The following DENND4A variants were observed in gnomAD, a reference collection of about 807,000 sequenced individuals.
The protein encoded by DENND4A is C-myc promoter-binding protein.
DENND4A carries 70 observed loss-of-function variants against 199.3 expected under a neutral mutation model. The ratio of observed to expected loss-of-function variants is 0.35; its 90% CI spans 0.29 to 0.43. DENND4A has a LOEUF of 0.43. Ranked by LOEUF, DENND4A falls within the 20% of genes least tolerant of loss-of-function variation. The pLI, the probability that DENND4A is intolerant of heterozygous loss-of-function variation, is 1.00. For missense variants in DENND4A, 1,723 were observed against 2,255.8 expected, an observed-to-expected ratio of 0.76 and a Z score of 4.78; for synonymous variants, 686 against 766.9, an observed-to-expected ratio of 0.89 and a Z score of 1.74.
intron 1 of DENND4A, among the ~76,000 whole-genome samples, chr15:65,776,901 C>T (rs927046271): frequency 3.3e-5 from 5 of 152,150 alleles, no homozygotes; most frequent in Non-Finnish European, 7.3e-5. Context: ...GGGCTGGGCA[C>T]GGTGGCCTGT....
At chr15:65,748,935 A>T (rs143632372) in intron 4 of DENND4A, among the ~76,000 whole-genome samples, 2 of 151,456 alleles carry the variant, frequency 1.3e-5, no homozygotes, top group Non-Finnish European at 2.9e-5. Flanking sequence ...CGAGGCTACA[A>T]TGAGCCATGA....
chr15:65,751,334 C>T (rs923159387), intron 4 of DENND4A, among the ~76,000 whole-genome samples: 1 of 152,146 alleles, frequency 6.6e-6, no homozygotes, highest in African/African-American at 2.4e-5. Context: ...ATGGAATTTC[C>T]ATTTGCTAGA....
chr15:65,678,059 C>G (rs2076446096), intron 23 of DENND4A, among the ~76,000 whole-genome samples: 1 of 151,340 alleles, frequency 6.6e-6, no homozygotes, highest in African/African-American at 2.4e-5. Flanking sequence ...TCCCGAATAG[C>G]TGGGATTACA....
At chr15:65,704,348 CAG>C (rs1184752647) in intron 15 of DENND4A, among the ~76,000 whole-genome samples, 1 of 152,140 alleles carries the variant, frequency 6.6e-6, no homozygotes, top group African/African-American at 2.4e-5. Context: ...TCTTAAAAAA[CAG>C]AAACGTCTTC....
At chr15:65,746,010 G>A (rs551759058) in intron 4 of DENND4A, among the ~76,000 whole-genome samples, 172 of 151,876 alleles carry the variant, frequency 1.1e-3, no homozygotes, top group Middle Eastern at 6.8e-3. Flanking sequence ...ATGTGGTGGC[G>A]GGCACCCTTA....
At chr15:65,692,970 TCTA>T (rs1447923971) in intron 22 of DENND4A, among the ~76,000 whole-genome samples, 2 of 152,168 alleles carry the variant, frequency 1.3e-5, no homozygotes, top group Non-Finnish European at 2.9e-5. Flanking sequence ...TCAAATGGTT[TCTA>T]CATTTGCAAA....
chr15:65,717,553 A>G (rs2075445948), intron 13 of DENND4A, among the ~76,000 whole-genome samples: 2 of 152,136 alleles, frequency 1.3e-5, no homozygotes, highest in South Asian at 4.1e-4. Context: ...TATGGTTGGG[A>G]GGCTCTATAC....
At position 65,676,532 on chromosome 15, in the gene DENND4A, T is replaced by C. The variant is rs61751114; in HGVS notation, c.4282A>G (p.Ile1428Val). ...GTAGCACTGGTCTCTTGAGAGGAGA[T>C]AGGTCCTTCCAACTCATGGCAGACA... Reference protein sequence around the residue: ...EDVCHELEGPISSQETSATSG... With the variant: ...EDVCHELEGPVSSQETSATSG... Residue 1428 changes from isoleucine (I) to valine (V), a missense_variant, in exon 24 of 33, where the codon ATC (isoleucine) becomes GTC (valine). Ile to Val is a conservative substitution (Grantham distance 29). Coordinates refer to ENST00000443035, the MANE Select transcript of DENND4A (RefSeq NM_001320835.1). 9.5e-5 allele frequency: 154 copies of C among 1,613,834 alleles called. No individual in the cohort carries two copies. The African/African-American group carries it at 1.8e-3, about 19-fold the overall frequency.
chr15:65,683,262 T>C (rs2076643672), intron 23 of DENND4A, among the ~76,000 whole-genome samples: 1 of 152,204 alleles, frequency 6.6e-6, no homozygotes, highest in South Asian at 2.1e-4. Flanking sequence ...TTTCTGATAT[T>C]AGTGATTGTG....
intron 20 of DENND4A, 46 bp from the exon 21 acceptor site, chr15:65,697,429 G>A: frequency 5.0e-6 from 6 of 1,211,954 alleles, no homozygotes; most frequent in Non-Finnish European, 7.1e-6. Context: ...AACTTCTTTA[G>A]TGAGTGCAAC....
intron 21 of DENND4A, chr15:65,696,902 T>C (rs1396539416): frequency 3.1e-6 from 1 of 327,694 alleles, no homozygotes; most frequent in Non-Finnish European, 5.9e-6. Context: ...CATGGATGAA[T>C]ACCCAATCAT....
intron 1 of DENND4A, among the ~76,000 whole-genome samples, chr15:65,790,787 C>T (rs1222804389): frequency 6.6e-6 from 1 of 152,094 alleles, no homozygotes; most frequent in Non-Finnish European, 1.5e-5. Context: ...ATCCCAGAAC[C>T]GCTATCAACA....
intron 1 of DENND4A, among the ~76,000 whole-genome samples, chr15:65,766,204 T>G (rs1324942869): frequency 7.1e-6 from 1 of 141,506 alleles, no homozygotes; most frequent in African/African-American, 2.7e-5. Flanking sequence ...TGAGCTGAGA[T>G]CAGGCCACCG....
intron 4 of DENND4A, among the ~76,000 whole-genome samples, chr15:65,750,229 G>C (rs10431805): frequency 0.2 from 30,157 of 152,112 alleles, 4,024 homozygotes; most frequent in East Asian, 0.73. Context: ...AACTAATGCA[G>C]AAACAGAAAA....
At chr15:65,771,846 A>ATG (rs2140888167) in intron 1 of DENND4A, 1 of 1,612,642 alleles carries the variant, frequency 6.2e-7, no homozygotes, top group East Asian at 2.2e-5. Flanking sequence ...TTAAAACAGC[A>ATG]TAAGCATTCC....
intron 9 of DENND4A, among the ~76,000 whole-genome samples, chr15:65,730,902 G>A (rs1474636180): frequency 2.0e-5 from 3 of 152,036 alleles, no homozygotes; most frequent in Non-Finnish European, 2.9e-5. Flanking sequence ...TCTCAATAAA[G>A]CTGTTACCTA....
Position 65,669,925 on chromosome 15 carries a change from T to A in DENND4A, c.4641A>T (p.Arg1547Ser). The A allele has an allele frequency of 1.2e-6, 2 of 1,613,260 alleles. No homozygotes were observed. The highest frequency in any genetic ancestry group is 1.7e-6 in the Non-Finnish European group (2 of 1,179,420). The change falls in exon 27 of 33, where the codon AGA (arginine) becomes AGT (serine). Residue 1547 changes from arginine (R) to serine (S), a missense_variant and splice_region_variant. Coordinates refer to ENST00000443035, the MANE Select transcript of DENND4A (RefSeq NM_001320835.1). ...IEIRDLRRPG[R>S]YFLKSSPSTE... ...TTGATGGGCTTGACTTTAGAAAGTA[T>A]CTGTAATGTGAATCGAAGGAACTTT...
At chr15:65,744,279 A>T (rs572617259) in intron 4 of DENND4A, among the ~76,000 whole-genome samples, 2 of 152,340 alleles carry the variant, frequency 1.3e-5, no homozygotes, top group African/African-American at 4.8e-5. Context: ...GACTGTGGAT[A>T]AAGCAGGTTT....
rs1489510038 is a variant in DENND4A, at chr15:65,691,220, T to C, written c.3374A>G (p.Asp1125Gly). ...ISKSTRPNTL[D>G]IGKPPLRSKR... ...TGATCTTAAAGGTGGCTTCCCAATA[T>C]CAAGAGTATTTGGTCTCGTGCTTTT... Residue 1125 changes from aspartate (D) to glycine (G), a missense_variant, in exon 23 of 33, where the codon GAT becomes GGT. Asp to Gly is a moderately conservative substitution (Grantham distance 94, BLOSUM62 -1). Around this residue, in one of 6 missense-constraint regions of DENND4A, gnomAD observed 650 missense variants for 738.1 expected, o/e 0.88. Coordinates refer to ENST00000443035, the MANE Select transcript of DENND4A (RefSeq NM_001320835.1). 1.2e-6 allele frequency: 2 copies of C among 1,613,318 alleles called. No individual in the cohort carries two copies. The highest frequency in any genetic ancestry group is 1.7e-5 in the Admixed American group (1 of 59,844).
Sources: allele counts gnomAD v4.1 joint callset (sites outside exome capture counted in the v4.1 genomes callset), GRCh38; gene constraint gnomAD v4.1.1; regional missense constraint gnomAD v4.1.1; transcripts MANE v1.5; gene names NCBI Gene and HGNC (gene_info 2026-07-23, HGNC 2026-07-21).